Variants in STRIP1 observed in about 807,000 individuals in gnomAD.
The protein encoded by STRIP1 is striatin-interacting protein 1.
Under a neutral mutation model 106.2 loss-of-function variants are expected in STRIP1, and 63 were observed. The ratio of observed to expected loss-of-function variants is 0.59; its 90% CI spans 0.48 to 0.73. STRIP1 has a LOEUF of 0.73. Among genes scored for constraint, STRIP1 ranks in the 30% least tolerant of loss-of-function variants. The pLI is 0.00. For missense variants in STRIP1, 857 were observed against 1,074.8 expected (o/e 0.80, Z 2.83); for synonymous variants, 390 against 413.0 (o/e 0.94, Z 0.67).
chr1:110,045,352 C>A, intron 12 of STRIP1: 1 of 416,502 alleles, frequency 2.4e-6, no homozygotes, highest in African/African-American at 2.0e-5. Context: ...AGGCATGCAC[C>A]TGTAGTCCCA....
At chr1:110,044,698 T>A (rs1382368152) in intron 10 of STRIP1, 142 bp from the exon 11 acceptor site, 5 of 804,576 alleles carry the variant, frequency 6.2e-6, no homozygotes, top group Admixed American at 3.0e-5. Flanking sequence ...GTTTTTTCCC[T>A]TTTTTCAAAG....
chr1:110,050,665 G>A (rs1369335272), intron 18 of STRIP1, among the ~76,000 whole-genome samples: 1 of 152,192 alleles, frequency 6.6e-6, no homozygotes, highest in Non-Finnish European at 1.5e-5. Flanking sequence ...CCTAGTAGAG[G>A]GCTTCTCTCC....
chr1:110,038,487 T>G (rs948126421), intron 2 of STRIP1, among the ~76,000 whole-genome samples, 196 bp from the exon 3 acceptor site: 13 of 152,350 alleles, frequency 8.5e-5, no homozygotes, highest in African/African-American at 2.9e-4. Context: ...GATGGCATTC[T>G]GGCACTCTGG....
At chr1:110,044,117 AG>A (rs1652907949) in intron 10 of STRIP1, among the ~76,000 whole-genome samples, 2 of 152,252 alleles carry the variant, frequency 1.3e-5, no homozygotes, top group South Asian at 4.1e-4. Flanking sequence ...GTGCTAGTGA[AG>A]GGGGATAGGA....
chr1:110,047,552 A>T lies in STRIP1; in HGVS notation c.1499A>T (p.Glu500Val), dbSNP rs757746270. The change falls in exon 14 of 21, where the codon GAA becomes GTA. Residue 500 changes from glutamate to valine, a missense_variant. This residue lies in a region of STRIP1 where 750 missense variants were observed against 989.8 expected (regional missense o/e 0.76). Transcript: ENST00000369795. ...LRSPLSGGEEEVEQVPAETLY... is the reference protein window; with the variant it reads ...LRSPLSGGEEVVEQVPAETLY... ...TCATTATGTTAAAAGGGAGAAGAAG[A>T]AGTTGAGCAAGTCCCTGCAGAAACC... 5.6e-6 allele frequency: 9 copies of T among 1,611,576 alleles called. No individual in the cohort carries two copies. Among genetic ancestry groups the T allele is most frequent in the East Asian group, 4.5e-5 (2 of 44,832 alleles).
Position 110,043,830 on chromosome 1 carries a change from AGGGCTCCCGT to A in STRIP1, c.1269_1278del (p.Trp424ArgfsTer19). ...AGACTGACAGGCTGACTTGCCCCAAAGGGCTCCCGTGGGCTCCCAAGGTCAGGTGAGTCTC... is the reference window on the plus strand; with the variant it reads ...AGACTGACAGGCTGACTTGCCCCAAAGGGCTCCCAAGGTCAGGTGAGTCTC... On this transcript the variant is annotated frameshift_variant, in exon 10 of 21. Coordinates refer to ENST00000369795, the MANE Select transcript of STRIP1 (RefSeq NM_033088.4). LOFTEE classifies it high-confidence loss of function. 6.2e-7 allele frequency: 1 copy of A among 1,614,036 alleles called. No individual in the cohort carries two copies. The highest frequency in any genetic ancestry group is 8.5e-7 in the Non-Finnish European group (1 of 1,180,012).
intron 20 of STRIP1, 38 bp downstream of exon 20, chr1:110,051,925 T>C (rs1653321566): frequency 6.2e-7 from 1 of 1,604,120 alleles, no homozygotes; most frequent in African/African-American, 1.3e-5. Context: ...GGTGGGAGTG[T>C]GTCGGGAAAA....
intron 1 of STRIP1, among the ~76,000 whole-genome samples, chr1:110,037,627 G>A (rs1244433154): frequency 3.3e-5 from 5 of 152,220 alleles, no homozygotes; most frequent in Non-Finnish European, 7.3e-5. Context: ...TCATTGGTAA[G>A]TTAAATGGAT....
At chr1:110,038,964 A>T (rs1570914697) in intron 3 of STRIP1, 1 of 742,876 alleles carries the variant, frequency 1.3e-6, no homozygotes, top group East Asian at 2.7e-5. Flanking sequence ...GGGAGAAAAA[A>T]AAATCATGTG....
At position 110,043,321 on chromosome 1, in the gene STRIP1, C is replaced by T. The variant is rs780495746; in HGVS notation, c.1068+51C>T. On this transcript the variant is annotated intron_variant, in intron 9 of 20. Transcript: ENST00000369795. ...CTCCTGAGGGCCCTCAAGGTGCATG[C>T]TTGCAGCAGCACAGTCCTTGGAGGA... The T allele has an allele frequency of 9.6e-6, 15 of 1,558,120 alleles. No homozygotes were observed. The Admixed American group carries it at 2.5e-4, about 26-fold the overall frequency.
At chr1:110,038,365 A>G (rs1652597032) in intron 2 of STRIP1, 2 of 309,196 alleles carry the variant, frequency 6.5e-6, no homozygotes, top group East Asian at 7.1e-5. Context: ...TCCAGCCTCT[A>G]CAATACACAT....
rs57032702 is a variant in STRIP1 at position 110,034,626 on chromosome 1, G to A, written c.-12G>A. On this transcript the variant is annotated 5_prime_UTR_variant, in exon 1 of 21. Coordinates refer to ENST00000369795, the MANE Select transcript of STRIP1 (RefSeq NM_033088.4). ...TGTGCGCGAGTTAAGCTGGGGGTGT[G>A]GAGCAGCCAAGATGGAGCCGGCAGT... is the stretch of plus-strand genomic sequence containing the variant. 3,374 of 1,515,998 alleles carry A rather than the reference G, an allele frequency of 2.2e-3. 74 individuals carry two copies. The African/African-American group carries it at 0.043, about 19-fold the overall frequency. 93.9% of individuals were successfully genotyped at this position (1,515,998 alleles called of 1,614,324 possible). A position where few individuals can be genotyped will look rare whatever the true frequency, so the allele number is the denominator to read the frequency against.
upstream of STRIP1, among the ~76,000 whole-genome samples, chr1:110,033,407 T>C (rs1208232802): frequency 6.6e-6 from 1 of 152,224 alleles, no homozygotes; most frequent in East Asian, 1.9e-4. Flanking sequence ...TCTCCACTCT[T>C]GGCGTCTTAA....
chr1:110,049,508 A>C lies in STRIP1; in HGVS notation c.1837A>C (p.Ile613Leu). 1 of 1,608,454 alleles carries C rather than the reference A, an allele frequency of 6.2e-7. No homozygotes were observed. The change falls in exon 17 of 21, where the codon ATC becomes CTC. Residue 613 changes from isoleucine (I) to leucine (L), a missense_variant. Physicochemically the swap from Ile to Leu is conservative, Grantham distance 5. This residue lies in a region of STRIP1 where 750 missense variants were observed against 989.8 expected (regional missense o/e 0.76). Coordinates refer to ENST00000369795, the MANE Select transcript of STRIP1 (RefSeq NM_033088.4). ...HLVFANCIPL[I>L]LKFFNQNIMS... The stretch of plus-strand genomic sequence containing the variant: ...GGTGTTTGCCAACTGCATTCCTTTG[A>C]TCCTAAAGTTCTTCAATCAAAACAT...
At chr1:110,052,177 T>C (rs537490419) in intron 20 of STRIP1, among the ~76,000 whole-genome samples, 1 of 152,338 alleles carries the variant, frequency 6.6e-6, no homozygotes, top group African/African-American at 2.4e-5. Context: ...ATCCCCATTT[T>C]GGCCACCTAA....
intron 5 of STRIP1, chr1:110,039,905 G>A (rs752957737): frequency 7.7e-7 from 1 of 1,293,938 alleles, no homozygotes. Context: ...CCAGTGCCTG[G>A]CCTTGCCTGT....
chr1:110,034,654 G>A lies in STRIP1; in HGVS notation c.17G>A (p.Gly6Asp). Residue 6 changes from glycine to aspartate, a missense_variant, in exon 1 of 21, where the codon GGC becomes GAC. Gly to Asp is a moderately conservative substitution (Grantham distance 94). This residue lies in a region of STRIP1 where 107 missense variants were observed against 85.1 expected (regional missense o/e 1.26). Coordinates refer to ENST00000369795, the MANE Select transcript of STRIP1 (RefSeq NM_033088.4). MEPAV[G>D]GPGPLIVNNK... Reference sequence around the variant, plus strand: ...GCAGCCAAGATGGAGCCGGCAGTCGGCGGTCCGGGCCCACTGATCGTGAAC... The same window carrying A: ...GCAGCCAAGATGGAGCCGGCAGTCGACGGTCCGGGCCCACTGATCGTGAAC... 2.0e-6 allele frequency: 3 copies of A among 1,521,470 alleles called. No homozygotes were observed. Among genetic ancestry groups the A allele is most frequent in the Non-Finnish European group, 2.6e-6 (3 of 1,135,610 alleles). 94.2% of individuals were successfully genotyped at this position (1,521,470 alleles called of 1,614,324 possible).
chr1:110,046,554 G>A (rs2101779198), intron 12 of STRIP1, 126 bp from the exon 13 acceptor site: 1 of 780,818 alleles, frequency 1.3e-6, no homozygotes, highest in Non-Finnish European at 2.2e-6. Context: ...AGGGATTTTT[G>A]TGGTGACTTA....
intron 13 of STRIP1, 23 bp downstream of exon 13, chr1:110,046,774 G>C: frequency 6.3e-7 from 1 of 1,590,126 alleles, no homozygotes; most frequent in Non-Finnish European, 8.6e-7. Context: ...TCCTCAGTCC[G>C]GGCGCGGTGG....
Sources: gnomAD v4.1 joint callset for allele counts (sites outside exome capture counted in the v4.1 genomes callset) on GRCh38, gnomAD v4.1.1 for gene constraint, gnomAD v4.1.1 regional missense constraint, MANE v1.5 for transcripts, NCBI Gene and HGNC (gene_info 2026-07-23, HGNC 2026-07-21) for gene names.